The following PRDM4 variants were observed in gnomAD, a reference collection of about 807,000 sequenced individuals.
PRDM4 encodes the protein PR domain zinc finger protein 4.
Under a neutral mutation model 62.3 loss-of-function variants are expected in PRDM4, and 38 were observed. The observed-to-expected ratio is 0.61, with a 90% CI of 0.47 to 0.80. PRDM4 has a LOEUF of 0.80. Ranked by LOEUF, PRDM4 falls within the 30% of genes least tolerant of loss-of-function variation. The probability of loss-of-function intolerance (pLI) is 0.00; values close to 1 mark genes in which losing one functional copy is unlikely to be tolerated. For synonymous variants in PRDM4, 339 were observed against 348.2 expected (o/e 0.97, Z 0.30); for missense variants, 858 against 997.1 (o/e 0.86, Z 1.88).
At chr12:107,748,374 G>A (rs958329088) in intron 5 of PRDM4, among the ~76,000 whole-genome samples, 2 of 152,048 alleles carry the variant, frequency 1.3e-5, no homozygotes, top group African/African-American at 4.8e-5. Flanking sequence ...ACAAAAACTT[G>A]TACATGAGAG....
At chr12:107,735,251 G>A (rs1382903426) in intron 11 of PRDM4, among the ~76,000 whole-genome samples, 2 of 152,096 alleles carry the variant, frequency 1.3e-5, no homozygotes, top group African/African-American at 4.8e-5. Context: ...TAAATCAAAG[G>A]ATATGCACAT....
chr12:107,739,299 C>T, intron 11 of PRDM4, 84 bp downstream of exon 11: 1 of 1,484,630 alleles, frequency 6.7e-7, no homozygotes, highest in Non-Finnish European at 9.2e-7. Context: ...CCAGGACTCC[C>T]CAGCCCTTCA....
At chr12:107,743,344 C>A (rs1252458623) in intron 7 of PRDM4, 62 bp from the exon 8 acceptor site, 5 of 1,206,734 alleles carry the variant, frequency 4.1e-6, no homozygotes, top group Admixed American at 1.7e-5. Context: ...CACTACATTA[C>A]ACTTAGGCCA....
At chr12:107,754,131 C>T (rs1890989682) in intron 3 of PRDM4, 22 bp from the exon 4 acceptor site, 2 of 1,543,282 alleles carry the variant, frequency 1.3e-6, no homozygotes, top group Non-Finnish European at 1.8e-6. Context: ...AATTTTTTTT[C>T]TCAGTTAAAA....
chr12:107,751,535 C>A lies in PRDM4; in HGVS notation c.1006G>T (p.Val336Phe). The A allele has an allele frequency of 3.1e-6, 5 of 1,612,582 alleles. No individual in the cohort carries two copies. Among genetic ancestry groups the A allele is most frequent in the Non-Finnish European group, 4.2e-6 (5 of 1,178,576 alleles). ...PVAVSSITQE[V>F]AMGTGHVDVS... ...TCTACATGACCTGTCCCCATAGCAA[C>A]CTCCTGGGTGATGGAGGAGACAGCC... The change falls in exon 5 of 12, where the codon GTT becomes TTT. Residue 336 changes from valine (V) to phenylalanine (F), a missense_variant. Physicochemically the swap from Val to Phe is conservative, Grantham distance 50 (BLOSUM62 -1). Transcript: ENST00000228437.
Position 107,760,508 on chromosome 12 carries a change from T to C in PRDM4, c.8A>G (p.His3Arg). The change falls in exon 2 of 12, where the codon CAC (histidine) becomes CGC (arginine). Residue 3 changes from histidine to arginine, a missense_variant. By Grantham distance (29) the His-to-Arg change is conservative. Around this residue, in one of 3 missense-constraint regions of PRDM4, gnomAD observed 499 missense variants for 546.7 expected, o/e 0.91. Transcript: ENST00000228437. MHHRMNEMNLSPV... is the reference protein window; with the variant it reads MHRRMNEMNLSPV... The stretch of plus-strand genomic sequence containing the variant: ...TGAAGCCCACCTCCCTACTCACCTG[T>C]GATGCATCGGCTTGGGGCCAAATAT... 3 of 1,613,546 alleles carry C rather than the reference T, an allele frequency of 1.9e-6. No homozygotes were observed. The highest frequency in any genetic ancestry group is 1.1e-5 in the South Asian group (1 of 90,912).
At chr12:107,750,763 C>A (rs1376933896) in intron 5 of PRDM4, among the ~76,000 whole-genome samples, 1 of 152,152 alleles carries the variant, frequency 6.6e-6, no homozygotes, top group Non-Finnish European at 1.5e-5. Flanking sequence ...ATAATTTTCA[C>A]AAGGCATGTC....
intron 4 of PRDM4, among the ~76,000 whole-genome samples, chr12:107,753,160 G>A (rs7971999): frequency 5.8e-4 from 89 of 152,254 alleles, no homozygotes; most frequent in African/African-American, 1.8e-3. Flanking sequence ...TGGCTTCAGC[G>A]CAGGAGTTCG....
At chr12:107,758,563 A>G (rs1302204137) in intron 2 of PRDM4, among the ~76,000 whole-genome samples, 1 of 152,208 alleles carries the variant, frequency 6.6e-6, no homozygotes, top group African/African-American at 2.4e-5. Context: ...CAGTAAGGAG[A>G]GCTGGGATTT....
chr12:107,754,938 C>A (rs1891015693), intron 3 of PRDM4: 1 of 152,122 alleles, frequency 6.6e-6, no homozygotes, highest in South Asian at 2.1e-4. Context: ...ATATGCTACA[C>A]TTAGTGATTA....
In PRDM4 at chr12:107,739,535, C is replaced by T. The variant is rs994881923; in HGVS notation, c.1941G>A (p.Arg647=). ...TGAAAGACTTGTCACACAAGGTACA[C>T]CTGTAGTTCTTCTGACCTGCAATCA... The part of the protein sequence containing the change: ...LKIHTGQKNY[R]CTLCDKSFTQ... Residue 647 remains arginine (R), a synonymous_variant, in exon 11 of 12, where the codon AGG becomes AGA. Transcript: ENST00000228437. The T allele has an allele frequency of 4.3e-6, 7 of 1,613,528 alleles. No homozygotes were observed. Among genetic ancestry groups the T allele is most frequent in the Non-Finnish European group, 5.9e-6 (7 of 1,179,730 alleles).
Position 107,741,067 on chromosome 12 carries a change from A to C in PRDM4, c.1803T>G (p.Ser601=), listed in dbSNP as rs1285585071. Residue 601 remains serine, a synonymous_variant, in exon 10 of 12, where the codon TCT becomes TCG. Transcript: ENST00000228437. ...TAAAGTGGACATGAAGTTTGGAAGG[A>C]GAGATAAAAGCTTGGGGGCACATTG... is the stretch of plus-strand genomic sequence containing the variant. The part of the protein sequence containing the change: ...KCSMCPQAFI[S]PSKLHVHFMG... 1.3e-5 allele frequency: 21 copies of C among 1,614,150 alleles called. No individual in the cohort carries two copies. Among genetic ancestry groups the C allele is most frequent in the Non-Finnish European group, 1.8e-5 (21 of 1,180,028 alleles).
intron 3 of PRDM4, among the ~76,000 whole-genome samples, chr12:107,755,616 AT>A (rs991041970): frequency 6.6e-6 from 1 of 152,244 alleles, no homozygotes; most frequent in Admixed American, 6.5e-5. Context: ...TTTAAACAAT[AT>A]ATAGATTTAT....
At chr12:107,735,152 C>G (rs552453490) in intron 11 of PRDM4, among the ~76,000 whole-genome samples, 43 of 152,228 alleles carry the variant, frequency 2.8e-4, no homozygotes, top group African/African-American at 9.9e-4. Context: ...AGGTGCATGC[C>G]ACTGTACCTG....
intron 11 of PRDM4, 135 bp downstream of exon 11, chr12:107,739,248 A>T: frequency 1.0e-6 from 1 of 958,042 alleles, no homozygotes; most frequent in Non-Finnish European, 1.5e-6. Context: ...CATGGAACAC[A>T]GAAGGCATCT....
chr12:107,734,250 G>A lies in PRDM4; in HGVS notation c.2366C>T (p.Ala789Val). ...AAGAGACTCATCCGCTGAATACACA[G>A]CACTGTTAATCCTACAGTCTTCTGT... Reference protein sequence around the residue: ...VGTEDCRINSAVYSADESLSA... With the variant: ...VGTEDCRINSVVYSADESLSA... The change falls in exon 12 of 12, where the codon GCT (alanine) becomes GTT (valine). Residue 789 changes from alanine (A) to valine (V), a missense_variant. Transcript: ENST00000228437. 4 of 1,614,016 alleles carry A rather than the reference G, an allele frequency of 2.5e-6. No homozygotes were observed. The highest frequency in any genetic ancestry group is 3.4e-6 in the Non-Finnish European group (4 of 1,179,958).
Position 107,744,582 on chromosome 12 carries a change from T to C in PRDM4, c.1356A>G (p.Val452=), listed in dbSNP as rs749551114. 7 of 1,613,850 alleles carry C rather than the reference T, an allele frequency of 4.3e-6. No individual in the cohort carries two copies. In the East Asian group the frequency reaches 1.6e-4, roughly 36 times the overall value. The change falls in exon 7 of 12, where the codon GTA becomes GTG. Residue 452 remains valine (V), a synonymous_variant. Coordinates refer to ENST00000228437, the MANE Select transcript of PRDM4 (RefSeq NM_012406.4). ...LIGQQSHSME[V]AEWTDKAVNH... ...TAACTGCCTTGTCTGTCCATTCTGC[T>C]ACTTCCATGGAGTGACTCTGCTGGC...
At chr12:107,751,288 C>T in intron 5 of PRDM4, 127 bp downstream of exon 5, 1 of 942,818 alleles carries the variant, frequency 1.1e-6, no homozygotes, top group Non-Finnish European at 1.6e-6. Context: ...AATACCAAGG[C>T]AAAGAAAAGT....
At chr12:107,747,372 C>T (rs1474028414) in intron 5 of PRDM4, among the ~76,000 whole-genome samples, 1 of 151,728 alleles carries the variant, frequency 6.6e-6, no homozygotes, top group Non-Finnish European at 1.5e-5. Flanking sequence ...ACACTGGCGT[C>T]AGAGCCAGCT....
Sources: gnomAD v4.1 joint callset for allele counts (sites outside exome capture counted in the v4.1 genomes callset) on GRCh38, gnomAD v4.1.1 for gene constraint, gnomAD v4.1.1 regional missense constraint, MANE v1.5 for transcripts, NCBI Gene and HGNC (gene_info 2026-07-23, HGNC 2026-07-21) for gene names.